MLST8: variants seen among roughly 807,000 people sequenced by gnomAD.
MLST8 encodes the protein MTOR associated protein MLST8.
Under a neutral mutation model 41.3 loss-of-function variants are expected in MLST8, and 20 were observed. The ratio of observed to expected loss-of-function variants is 0.48; its 90% CI spans 0.34 to 0.70. The LOEUF (loss-of-function observed/expected upper bound fraction) is 0.70. Ranked by LOEUF, MLST8 falls within the 30% of genes least tolerant of loss-of-function variation. MLST8 has a pLI of 0.01. For synonymous variants in MLST8, 243 were observed against 183.0 expected, an observed-to-expected ratio of 1.33 and a Z score of -2.65; for missense variants, 422 against 454.3, an observed-to-expected ratio of 0.93 and a Z score of 0.65.
chr16:2,208,473 A>C lies in MLST8; in HGVS notation c.722A>C (p.Asp241Ala). Reference sequence around the variant, plus strand: ...AGGCTCCTCGCCACCTGCTCGGCTGATCAGACGTGCAAGATCTGGAGGACG... The same window carrying C: ...AGGCTCCTCGCCACCTGCTCGGCTGCTCAGACGTGCAAGATCTGGAGGACG... ...DSTLLATCSA[D>A]QTCKIWRTSN... Residue 241 changes from aspartate to alanine, a missense_variant, in exon 8 of 9, where the codon GAT (aspartate) becomes GCT (alanine). Coordinates refer to ENST00000569417, the MANE Select transcript of MLST8 (RefSeq NM_022372.6). 1 of 1,612,952 alleles carries C rather than the reference A, an allele frequency of 6.2e-7. No individual in the cohort carries two copies. Among genetic ancestry groups the C allele is most frequent in the Non-Finnish European group, 8.5e-7 (1 of 1,179,780 alleles).
chr16:2,208,565 T>C lies in MLST8; in HGVS notation c.814T>C (p.Trp272Arg). 1 of 1,612,710 alleles carries C rather than the reference T, an allele frequency of 6.2e-7. No individual in the cohort carries two copies. The change falls in exon 8 of 9, where the codon TGG becomes CGG. Residue 272 changes from tryptophan (W) to arginine (R), a missense_variant. Physicochemically the swap from Trp to Arg is moderately radical, Grantham distance 101. Transcript: ENST00000569417. ...CAACCCCGGGGAGTCCTCCCGCGGC[T>C]GGATGTGGGGCTGCGCCTTCTCGGG... ...SGNPGESSRG[W>R]MWGCAFSGDS...
rs368659999 is a variant in MLST8, at chr16:2,208,850, G to A, written c.954G>A (p.Leu318=). Residue 318 remains leucine, a synonymous_variant, in exon 9 of 9, where the codon CTG becomes CTA. Transcript: ENST00000569417. Reference sequence around the variant, plus strand: ...GCCACCAGAAGGCTGTTGTCTGCCTGGCCTTCAATGACAGTGTGCTGGGCT... The same window carrying A: ...GCCACCAGAAGGCTGTTGTCTGCCTAGCCTTCAATGACAGTGTGCTGGGCT... The part of the protein sequence containing the change: ...YGGHQKAVVC[L]AFNDSVLG 74 of 1,613,674 alleles carry A rather than the reference G, an allele frequency of 4.6e-5. No individual in the cohort carries two copies. In the African/African-American group the frequency reaches 9.3e-4, roughly 20 times the overall value.
At chr16:2,207,464 C>T in intron 6 of MLST8, 119 bp downstream of exon 6, 1 of 1,257,762 alleles carries the variant, frequency 8.0e-7, no homozygotes, top group African/African-American at 1.5e-5. Context: ...CCATCCCGGG[C>T]ACTAACACCC....
rs779388829 is a variant in MLST8, at chr16:2,209,344, C to T, written c.*467C>T. 6.2e-7 allele frequency: 1 copy of T among 1,603,974 alleles called. No individual in the cohort carries two copies. Among genetic ancestry groups the T allele is most frequent in the Non-Finnish European group, 8.5e-7 (1 of 1,172,772 alleles). On this transcript the variant is annotated 3_prime_UTR_variant, in exon 9 of 9. Transcript: ENST00000569417. ...CCCACTGGATTGGGGACGGGCCAGG[C>T]TGGGCCAGGTCGGGGGCTCAGTCTG...
At chr16:2,205,905 C>T (rs2093276019) in intron 1 of MLST8, 126 bp from the exon 2 acceptor site, 2 of 1,435,158 alleles carry the variant, frequency 1.4e-6, no homozygotes, top group Non-Finnish European at 1.8e-6. Context: ...TGTCCCTGAA[C>T]CTACCTGCGC....
Position 2,205,970 on chromosome 16 carries a change from G to T in MLST8, c.-55-61G>T, listed in dbSNP as rs2093277883. 3.0e-5 allele frequency: 44 copies of T among 1,471,270 alleles called. 1 individual carries two copies. In the South Asian group the frequency reaches 5.8e-4, roughly 20 times the overall value. 91.1% of individuals were successfully genotyped at this position (1,471,270 alleles called of 1,614,324 possible). ...TAAGCGCCATTCGGCAGCGCCTTGTGGGTCTATAATCTACTTAGCACAGAG... is the reference window on the plus strand; with the variant it reads ...TAAGCGCCATTCGGCAGCGCCTTGTTGGTCTATAATCTACTTAGCACAGAG... On this transcript the variant is annotated intron_variant, in intron 1 of 8. Transcript: ENST00000569417.
At chr16:2,207,006 G>C in intron 4 of MLST8, 29 bp from the exon 5 acceptor site, 1 of 1,611,470 alleles carries the variant, frequency 6.2e-7, no homozygotes, top group South Asian at 1.1e-5. Flanking sequence ...AGCCCAGATG[G>C]ACAGCATGTG....
At position 2,209,110 on chromosome 16, in the gene MLST8, G is replaced by A. The variant is rs1433479084; in HGVS notation, c.*233G>A. The A allele has an allele frequency of 3.1e-6, 2 of 637,920 alleles. No individual in the cohort carries two copies. The highest frequency in any genetic ancestry group is 5.4e-6 in the Non-Finnish European group (2 of 369,908). 39.5% of individuals were successfully genotyped at this position (637,920 alleles called of 1,614,324 possible). On this transcript the variant is annotated 3_prime_UTR_variant, in exon 9 of 9. Transcript: ENST00000569417. ...GGCTGCACACTCCTGGACTGGGCTA[G>A]CCTGCACTGCCTGGGAAAGTCGGCC...
rs1333870591 is a variant in MLST8 at position 2,208,451 on chromosome 16, C to T, written c.700C>T (p.Leu234Phe). The stretch of plus-strand genomic sequence containing the variant: ...ACACGCCCCATGCCCACCCACTAGG[C>T]TCCTCGCCACCTGCTCGGCTGATCA... ...LQCRFSPDST[L>F]LATCSADQTC... Residue 234 changes from leucine (L) to phenylalanine (F), a missense_variant and splice_region_variant, in exon 8 of 9, where the codon CTC becomes TTC. Transcript: ENST00000569417. The T allele has an allele frequency of 3.1e-6, 5 of 1,612,618 alleles. No homozygotes were observed. The highest frequency in any genetic ancestry group is 1.7e-5 in the Admixed American group (1 of 59,888).
At chr16:2,207,659 T>G in intron 6 of MLST8, 1 of 407,002 alleles carries the variant, frequency 2.5e-6, no homozygotes. Flanking sequence ...GAGGCTTCCT[T>G]TCCCCCTCCC....
At chr16:2,206,323 G>A (rs1596712094) in intron 2 of MLST8, 35 bp from the exon 3 acceptor site, 1 of 1,612,726 alleles carries the variant, frequency 6.2e-7, no homozygotes, top group Non-Finnish European at 8.5e-7. Context: ...CTGGCCTCAG[G>A]GCTACCTTCC....
chr16:2,205,570 G>A, intron 1 of MLST8, 58 bp downstream of exon 1: 1 of 645,008 alleles, frequency 1.6e-6, no homozygotes, highest in Non-Finnish European at 1.9e-6. Flanking sequence ...GGGAGAGCAC[G>A]GCCAGGGGAA....
intron 8 of MLST8, 40 bp from the exon 9 acceptor site, chr16:2,208,719 T>A: frequency 6.2e-7 from 1 of 1,613,584 alleles, no homozygotes; most frequent in Non-Finnish European, 8.5e-7. Context: ...CTGCTTGGCC[T>A]GCACCTGCGC....
intron 8 of MLST8, 45 bp from the exon 9 acceptor site, chr16:2,208,714 T>C: frequency 6.2e-7 from 1 of 1,613,506 alleles, no homozygotes. Flanking sequence ...GCCGCCTGCT[T>C]GGCCTGCACC....
chr16:2,206,014 C>CT lies in MLST8; in HGVS notation c.-55-17_-55-16insT. 6.6e-7 allele frequency: 1 copy of CT among 1,518,114 alleles called. No individual in the cohort carries two copies. Among genetic ancestry groups the CT allele is most frequent in the East Asian group, 2.3e-5 (1 of 43,750 alleles). The allele number at this position is 1,518,114 out of a possible 1,614,324, so 94.0% of individuals were successfully genotyped here. ...CACAGAGAGTGTCTTCTAAGTACTT[C>CT]ACATCCTTCTCTGCAGATGCTCTGA... On this transcript the variant is annotated splice_polypyrimidine_tract_variant and intron_variant, in intron 1 of 8. Coordinates refer to ENST00000569417, the MANE Select transcript of MLST8 (RefSeq NM_022372.6).
rs1452013307 is a variant in MLST8, at chr16:2,205,930, C to T, written c.-55-101C>T. 71 of 1,446,018 alleles carry T rather than the reference C, an allele frequency of 4.9e-5. 1 individual carries two copies. The Middle Eastern group carries it at 5.5e-4, about 11-fold the overall frequency. The allele number at this position is 1,446,018 out of a possible 1,614,324, so 89.6% of individuals were successfully genotyped here. A position where few individuals can be genotyped will look rare whatever the true frequency, so the allele number is the denominator to read the frequency against. ...CCTACCTGCGCTTCTTGTCCCAACT[C>T]TAAAATGGGAATGATAAGCGCCATT... On this transcript the variant is annotated intron_variant, in intron 1 of 8. Coordinates refer to ENST00000569417, the MANE Select transcript of MLST8 (RefSeq NM_022372.6).
rs748842828 is a variant in MLST8 at position 2,206,685 on chromosome 16, C to T, written c.344+26C>T. The T allele has an allele frequency of 1.9e-5, 31 of 1,608,916 alleles. No individual in the cohort carries two copies. The African/African-American group carries it at 2.7e-4, about 14-fold the overall frequency. On this transcript the variant is annotated intron_variant, in intron 4 of 8. Transcript: ENST00000569417. ...GTGCGGTGGGGAGGGGGCGTGCTGC[C>T]CGGGGCTGGGGTGGGCTGCTCTGGG...
chr16:2,207,098 G>A lies in MLST8; in HGVS notation c.408G>A (p.Leu136=). Residue 136 remains leucine, a synonymous_variant, in exon 5 of 9, where the codon CTG becomes CTA. Transcript: ENST00000569417. ...ACGCACCCATTAACTGCGTGTGCCT[G>A]CACCCCAACCAGGTGAGGGGTGCTC... The part of the protein sequence containing the change: ...QVNAPINCVC[L]HPNQAELIVG... 2 of 1,613,584 alleles carry A rather than the reference G, an allele frequency of 1.2e-6. No homozygotes were observed. The highest frequency in any genetic ancestry group is 8.5e-7 in the Non-Finnish European group (1 of 1,179,750).
chr16:2,207,880 C>G (rs1439102913), intron 6 of MLST8: 2 of 279,066 alleles, frequency 7.2e-6, no homozygotes, highest in African/African-American at 4.4e-5. Flanking sequence ...CCTCTTGCCC[C>G]CGGATTTCCC....
Sources: allele counts gnomAD v4.1 joint callset, GRCh38; gene constraint gnomAD v4.1.1; transcripts MANE v1.5; gene names NCBI Gene and HGNC (gene_info 2026-07-23, HGNC 2026-07-21).